The following ARID3B variants were observed in gnomAD, a reference collection of about 807,000 sequenced individuals.
ARID3B encodes the protein AT-rich interaction domain 3B.
A neutral mutation model predicts 51.9 loss-of-function variants in ARID3B; 10 were observed. The observed-to-expected ratio is 0.19, with a 90% confidence interval of 0.12 to 0.33. ARID3B has a LOEUF of 0.33. Ranked by LOEUF, ARID3B falls within the 10% of genes least tolerant of loss-of-function variation. The pLI is 1.00. For missense variants in ARID3B, 483 were observed against 716.3 expected (o/e 0.67, Z 3.72); for synonymous variants, 205 against 279.5 (o/e 0.73, Z 2.66).
intron 4 of ARID3B, among the ~76,000 whole-genome samples, chr15:74,580,106 G>A (rs1048049711): frequency 6.6e-6 from 1 of 152,088 alleles, no homozygotes; most frequent in African/African-American, 2.4e-5. Flanking sequence ...CAGGAGAATC[G>A]CCTGAACCTG....
rs1267704183 is a variant in ARID3B at position 74,596,218 on chromosome 15, G to A, written c.*444G>A. 4.2e-6 allele frequency: 1 copy of A among 239,958 alleles called. No individual in the cohort carries two copies. The highest frequency in any genetic ancestry group is 2.2e-5 in the African/African-American group (1 of 45,448). 14.9% of individuals were successfully genotyped at this position (239,958 alleles called of 1,614,324 possible). A position where few individuals can be genotyped will look rare whatever the true frequency, so the allele number is the denominator to read the frequency against. On this transcript the variant is annotated 3_prime_UTR_variant, in exon 9 of 9. Coordinates refer to ENST00000346246, the MANE Select transcript of ARID3B (RefSeq NM_006465.4). The stretch of plus-strand genomic sequence containing the variant: ...TCCCCTGTTTTTAAGTCCCATGTGG[G>A]GCTGCCAGGAGCCAAGAGCATGCCT...
intron 8 of ARID3B, among the ~76,000 whole-genome samples, chr15:74,595,171 G>T (rs2061819719): frequency 1.3e-5 from 2 of 152,086 alleles, no homozygotes; most frequent in Non-Finnish European, 2.9e-5. Context: ...TCAGCCCCCT[G>T]AGTAGCTGGG....
At position 74,595,488 on chromosome 15, in the gene ARID3B, C is replaced by G; in HGVS notation, c.1520-123C>G. On this transcript the variant is annotated intron_variant, in intron 8 of 8. Transcript: ENST00000346246. ...CATTTGGATCTTCTCCCATCACCCCCTAGCACAGTGTCTACAGCGGAGTCA... is the reference window on the plus strand; with the variant it reads ...CATTTGGATCTTCTCCCATCACCCCGTAGCACAGTGTCTACAGCGGAGTCA... 13 of 1,131,354 alleles carry G rather than the reference C, an allele frequency of 1.1e-5. No homozygotes were observed. The South Asian group carries it at 2.1e-4, about 18-fold the overall frequency. The allele number at this position is 1,131,354 out of a possible 1,614,324, so 70.1% of individuals were successfully genotyped here.
chr15:74,559,103 G>A (rs973830986), intron 2 of ARID3B, among the ~76,000 whole-genome samples: 3 of 152,122 alleles, frequency 2.0e-5, no homozygotes, highest in African/African-American at 7.2e-5. Context: ...GGCATGCAGG[G>A]GCCTACAGCC....
In ARID3B at chr15:74,591,140, C is replaced by T. The variant is rs766230840; in HGVS notation, c.882-11C>T. On this transcript the variant is annotated splice_polypyrimidine_tract_variant and intron_variant, in intron 5 of 8. Transcript: ENST00000346246. This position sits in a 1 kb window ranked among gnomAD's most constrained non-coding sequence, Gnocchi z 5.8. ...TTGGATTATTCTCCCTGCTTGCTTC[C>T]TTTCCTCCAGGTACATGAAGTATCT... The T allele has an allele frequency of 1.9e-6, 3 of 1,581,226 alleles. No homozygotes were observed. The highest frequency in any genetic ancestry group is 2.3e-5 in the South Asian group (2 of 88,258).
chr15:74,562,900 T>C (rs1046409981), intron 2 of ARID3B, among the ~76,000 whole-genome samples: 1 of 152,220 alleles, frequency 6.6e-6, no homozygotes, highest in African/African-American at 2.4e-5. Context: ...TATGTTTAGC[T>C]CTTGGGCCTT....
chr15:74,563,459 G>A (rs749969890), intron 2 of ARID3B, among the ~76,000 whole-genome samples: 2 of 152,172 alleles, frequency 1.3e-5, no homozygotes, highest in African/African-American at 4.8e-5. Context: ...TAAAAATGTT[G>A]TTCTTCCTAT....
intron 8 of ARID3B, among the ~76,000 whole-genome samples, chr15:74,594,275 C>T (rs1429239822): frequency 6.6e-6 from 1 of 152,044 alleles, no homozygotes; most frequent in African/African-American, 2.4e-5. Context: ...AGTGAAACCC[C>T]GTCTCTACTA....
chr15:74,562,871 T>G (rs936094968), intron 2 of ARID3B, among the ~76,000 whole-genome samples: 1 of 152,238 alleles, frequency 6.6e-6, no homozygotes, highest in Non-Finnish European at 1.5e-5. Context: ...TGGGCCCCTT[T>G]TTTAAAAATA....
At chr15:74,577,696 G>GGT (rs1555440503) in intron 4 of ARID3B, among the ~76,000 whole-genome samples, 6 of 150,114 alleles carry the variant, frequency 4.0e-5, no homozygotes, top group East Asian at 2.0e-4. Context: ...TAATTTTTCT[G>GGT]TTTTTTTGTG....
intron 2 of ARID3B, among the ~76,000 whole-genome samples, chr15:74,557,022 G>A (rs916466533): frequency 6.6e-5 from 10 of 151,710 alleles, no homozygotes; most frequent in South Asian, 4.2e-4. Context: ...TGATCCACCC[G>A]CTTCGGCCTC....
intron 1 of ARID3B, among the ~76,000 whole-genome samples, 187 bp downstream of exon 1, chr15:74,541,517 A>ATTTGAGATAAAGCG (rs1238692269): frequency 2.0e-5 from 3 of 152,242 alleles, no homozygotes; most frequent in African/African-American, 4.8e-5. Flanking sequence ...CCATTAGGGC[A>ATTTGAGATAAAGCG]TTTGAGATAA....
intron 4 of ARID3B, among the ~76,000 whole-genome samples, chr15:74,589,359 C>T (rs903157437): frequency 1.4e-4 from 21 of 152,064 alleles, no homozygotes; most frequent in Non-Finnish European, 2.9e-5. Context: ...CAGCACTGAG[C>T]GCTGCCAGGA....
chr15:74,578,631 A>C lies in ARID3B; in HGVS notation c.697+5427A>C, dbSNP rs78650772. Among the ~76,000 whole-genome samples, 889 of 152,320 alleles carry C rather than the reference A, an allele frequency of 5.8e-3. 5 individuals carry two copies. Among genetic ancestry groups the C allele is most frequent in the African/African-American group, 0.021 (862 of 41,584 alleles). On this transcript the variant is annotated intron_variant, in intron 4 of 8. Transcript: ENST00000346246. ...GCAGCAGGTCAGGGACTTGGCCTCCATAGCTAATATGAAAGGTAAGCAGTA... is the reference window on the plus strand; with the variant it reads ...GCAGCAGGTCAGGGACTTGGCCTCCCTAGCTAATATGAAAGGTAAGCAGTA...
chr15:74,585,392 G>A (rs967849993), intron 4 of ARID3B, among the ~76,000 whole-genome samples: 13 of 152,328 alleles, frequency 8.5e-5, no homozygotes, highest in Non-Finnish European at 1.6e-4. Context: ...ATTGCTTGTG[G>A]ACGTGAACTT....
At chr15:74,588,345 G>A (rs1254135117) in intron 4 of ARID3B, among the ~76,000 whole-genome samples, 1 of 152,100 alleles carries the variant, frequency 6.6e-6, no homozygotes, top group East Asian at 1.9e-4. Context: ...TCCTGTAAAA[G>A]AGTTGGTGAG....
At chr15:74,571,902 G>A (rs183648365) in intron 2 of ARID3B, among the ~76,000 whole-genome samples, 39 of 152,268 alleles carry the variant, frequency 2.6e-4, no homozygotes, top group African/African-American at 8.7e-4. Flanking sequence ...TCAGGAGTTC[G>A]AGACCAGCCT....
intron 4 of ARID3B, among the ~76,000 whole-genome samples, chr15:74,586,151 G>A (rs776648978): frequency 1.3e-5 from 2 of 152,234 alleles, no homozygotes. Flanking sequence ...TATGCCCTGG[G>A]TGGAGCTGGG....
chr15:74,549,411 C>CT (rs1313897710), intron 2 of ARID3B, among the ~76,000 whole-genome samples: 1 of 151,682 alleles, frequency 6.6e-6, no homozygotes, highest in African/African-American at 2.4e-5. Context: ...TACTGCATGA[C>CT]TATCATTAGC....
Sources: gnomAD v4.1 joint callset for allele counts (sites outside exome capture counted in the v4.1 genomes callset) on GRCh38, gnomAD v4.1.1 for gene constraint, Gnocchi (gnomAD v3.1) non-coding constraint, MANE v1.5 for transcripts, NCBI Gene and HGNC (gene_info 2026-07-23, HGNC 2026-07-21) for gene names.